Variants in TWSG1 observed in about 807,000 individuals in gnomAD.
TWSG1 encodes twisted gastrulation BMP signaling modulator 1, also known as twisted gastrulation protein homolog 1.
A neutral mutation model predicts 23.0 loss-of-function variants in TWSG1; 15 were observed. The observed-to-expected ratio is 0.65, with a 90% CI of 0.44 to 1.00. The LOEUF (loss-of-function observed/expected upper bound fraction) is 1.00, where lower values mean the gene tolerates loss of function less well. Among genes scored for constraint, TWSG1 ranks in the 50% least tolerant of loss-of-function variants. TWSG1 has a pLI of 0.00. For synonymous variants in TWSG1, 86 were observed against 92.8 expected, an observed-to-expected ratio of 0.93 and a Z score of 0.42; for missense variants, 242 against 278.7, an observed-to-expected ratio of 0.87 and a Z score of 0.94.
chr18:9,366,304 C>T (rs973869841), intron 3 of TWSG1, among the ~76,000 whole-genome samples: 3 of 152,122 alleles, frequency 2.0e-5, no homozygotes, highest in Admixed American at 6.5e-5. Context: ...TCCTAGATGT[C>T]GCTGTGGTGA....
At chr18:9,354,370 C>T (rs1392028868) in intron 2 of TWSG1, among the ~76,000 whole-genome samples, 1 of 152,140 alleles carries the variant, frequency 6.6e-6, no homozygotes, top group Non-Finnish European at 1.5e-5. Flanking sequence ...TTGAGTCAGT[C>T]TTTATTTTGG....
intron 3 of TWSG1, among the ~76,000 whole-genome samples, chr18:9,390,100 G>A (rs2040705148): frequency 6.6e-6 from 1 of 152,194 alleles, no homozygotes; most frequent in Non-Finnish European, 1.5e-5. Context: ...AGATCTTGAT[G>A]GCTGCTAATT....
intron 2 of TWSG1, among the ~76,000 whole-genome samples, chr18:9,349,611 T>C (rs1041549601): frequency 2.0e-5 from 3 of 152,216 alleles, no homozygotes; most frequent in Non-Finnish European, 4.4e-5. Flanking sequence ...AATAAATAGT[T>C]CAGGTAAGTT....
chr18:9,371,174 G>A (rs2040603285), intron 3 of TWSG1, among the ~76,000 whole-genome samples: 1 of 151,992 alleles, frequency 6.6e-6, no homozygotes, highest in Non-Finnish European at 1.5e-5. Context: ...ACAAAAGGAG[G>A]TCTGAGATTG....
At position 9,399,623 on chromosome 18, in the gene TWSG1, T is replaced by A; in HGVS notation, c.*96T>A. 1.8e-6 allele frequency: 2 copies of A among 1,112,648 alleles called. No homozygotes were observed. The highest frequency in any genetic ancestry group is 2.4e-4 in the Middle Eastern group (1 of 4,118). The allele number at this position is 1,112,648 out of a possible 1,614,324, so 68.9% of individuals were successfully genotyped here. On this transcript the variant is annotated 3_prime_UTR_variant, in exon 5 of 5. Transcript: ENST00000262120. ...GTTGTATCTTGTATCAGAATCCCAGTAAGTTAAGTTGTAAAGACTTTGGAA... is the reference window on the plus strand; with the variant it reads ...GTTGTATCTTGTATCAGAATCCCAGAAAGTTAAGTTGTAAAGACTTTGGAA...
At chr18:9,335,722 A>G (rs2040419895) in intron 1 of TWSG1, among the ~76,000 whole-genome samples, 1 of 152,226 alleles carries the variant, frequency 6.6e-6, no homozygotes, top group Admixed American at 6.5e-5. Flanking sequence ...TGTGAGCCTC[A>G]GTAACGATCA....
In TWSG1 at chr18:9,400,640, G is replaced by T. The variant is rs1279892341; in HGVS notation, c.*1113G>T. On this transcript the variant is annotated 3_prime_UTR_variant, in exon 5 of 5. Transcript: ENST00000262120. ...ATTTCATTTGTTAAGTTTATATCTG[G>T]ATATAATGTTCTTTTTAAACAAGTA... 1 of 152,124 alleles carries T rather than the reference G, an allele frequency of 6.6e-6. No individual in the cohort carries two copies. Among genetic ancestry groups the T allele is most frequent in the African/African-American group, 2.4e-5 (1 of 41,430 alleles). The allele number at this position is 152,124 out of a possible 1,614,324, so 9.4% of individuals were successfully genotyped here.
intron 3 of TWSG1, among the ~76,000 whole-genome samples, chr18:9,378,813 A>T (rs900394583): frequency 6.7e-6 from 1 of 149,858 alleles, no homozygotes; most frequent in African/African-American, 2.5e-5. Context: ...TCTACAAAAA[A>T]TACCAAAAAA....
chr18:9,375,260 C>T (rs1186916847), intron 3 of TWSG1, among the ~76,000 whole-genome samples: 1 of 150,598 alleles, frequency 6.6e-6, no homozygotes, highest in Non-Finnish European at 1.5e-5. Context: ...TCAATAGATG[C>T]AGAAAAAGCA....
chr18:9,362,442 A>G (rs2145609477), intron 3 of TWSG1, among the ~76,000 whole-genome samples: 1 of 152,350 alleles, frequency 6.6e-6, no homozygotes, highest in Non-Finnish European at 1.5e-5. Context: ...TCCTGGGCTC[A>G]AGTGATCCAC....
At chr18:9,371,435 T>C (rs1026567481) in intron 3 of TWSG1, among the ~76,000 whole-genome samples, 7 of 151,948 alleles carry the variant, frequency 4.6e-5, no homozygotes, top group Non-Finnish European at 1.0e-4. Flanking sequence ...TAGCTAGGAC[T>C]ACAGGCACGT....
intron 3 of TWSG1, among the ~76,000 whole-genome samples, chr18:9,375,738 A>G (rs1211984520): frequency 1.3e-5 from 2 of 152,328 alleles, no homozygotes; most frequent in African/African-American, 4.8e-5. Context: ...TACTATTTAT[A>G]TTAGCACCCC....
chr18:9,337,471 G>A, intron 2 of TWSG1, 119 bp downstream of exon 2: 2 of 1,050,836 alleles, frequency 1.9e-6, no homozygotes, highest in South Asian at 1.6e-5. Flanking sequence ...TTGGGTCAGG[G>A]CCTGAGGTAC....
intron 3 of TWSG1, among the ~76,000 whole-genome samples, chr18:9,369,637 T>G (rs928252459): frequency 2.0e-4 from 31 of 152,302 alleles, no homozygotes; most frequent in African/African-American, 7.5e-4. Context: ...TTTTTTTTGC[T>G]TTGAGACAAG....
chr18:9,392,497 G>A (rs189720911), intron 3 of TWSG1, among the ~76,000 whole-genome samples: 3 of 152,310 alleles, frequency 2.0e-5, no homozygotes, highest in Middle Eastern at 6.8e-3. Context: ...ATTTTGGCTG[G>A]TTTGATCTAT....
At chr18:9,399,194 A>G in intron 4 of TWSG1, 152 bp from the exon 5 acceptor site, 2 of 426,812 alleles carry the variant, frequency 4.7e-6, no homozygotes, top group East Asian at 3.6e-5. Context: ...ATAAATGAAG[A>G]TCTTTTTTCC....
At chr18:9,382,541 C>T (rs2040662495) in intron 3 of TWSG1, among the ~76,000 whole-genome samples, 1 of 147,752 alleles carries the variant, frequency 6.8e-6, no homozygotes, top group African/African-American at 2.5e-5. Context: ...AGGCTGGGTG[C>T]GGTGGCTCAC....
intron 3 of TWSG1, among the ~76,000 whole-genome samples, chr18:9,375,777 T>C (rs2040627252): frequency 6.6e-6 from 1 of 152,124 alleles, no homozygotes. Flanking sequence ...TCTAACAAAA[T>C]ATGCGCAAGG....
At chr18:9,391,043 T>C (rs1431987359) in intron 3 of TWSG1, among the ~76,000 whole-genome samples, 1 of 152,174 alleles carries the variant, frequency 6.6e-6, no homozygotes, top group Non-Finnish European at 1.5e-5. Context: ...TTGGAGTCAA[T>C]CCTGAAACCC....
Sources: gnomAD v4.1 joint callset for allele counts (sites outside exome capture counted in the v4.1 genomes callset) on GRCh38, gnomAD v4.1.1 for gene constraint, MANE v1.5 for transcripts, NCBI Gene and HGNC (gene_info 2026-07-23, HGNC 2026-07-21) for gene names.